The following HECTD4 variants were observed in gnomAD, a reference collection of about 807,000 sequenced individuals.
HECTD4 encodes probable E3 ubiquitin-protein ligase HECTD4.
In HECTD4, 114 loss-of-function variants were observed where a neutral mutation model predicts 471.5. The observed-to-expected ratio is 0.24, with a 90% CI of 0.21 to 0.28. HECTD4 has a LOEUF of 0.28. HECTD4 is among the 10% of genes least tolerant of loss of function. HECTD4 has a pLI of 1.00. For missense variants in HECTD4, 3,866 were observed against 5,651.5 expected (o/e 0.68, Z 10.13); for synonymous variants, 2,012 against 2,256.0 (o/e 0.89, Z 3.07).
intron 3 of HECTD4, 96 bp from the exon 4 acceptor site, chr12:112,313,243 A>C: frequency 1.2e-6 from 1 of 843,690 alleles, no homozygotes; most frequent in Non-Finnish European, 1.7e-6. Flanking sequence ...CCAAAATTTT[A>C]AAACTAAGAT....
intron 60 of HECTD4, among the ~76,000 whole-genome samples, chr12:112,187,816 C>T (rs547491321): frequency 6.7e-6 from 1 of 149,372 alleles, no homozygotes; most frequent in Non-Finnish European, 1.5e-5. Context: ...TTAGTAGAGA[C>T]ACGGTTTCAC....
chr12:112,378,393 TA>T (rs2036824245), intron 1 of HECTD4, among the ~76,000 whole-genome samples: 1 of 137,474 alleles, frequency 7.3e-6, no homozygotes, highest in Admixed American at 7.3e-5. Flanking sequence ...TAATTTTTTG[TA>T]TTTTTTTTTT....
intron 2 of HECTD4, among the ~76,000 whole-genome samples, chr12:112,317,304 A>T (rs2035498554): frequency 1.3e-5 from 2 of 152,222 alleles, no homozygotes; most frequent in African/African-American, 4.8e-5. Context: ...AGGCTATGAC[A>T]GCTTGCTCAG....
intron 1 of HECTD4, among the ~76,000 whole-genome samples, chr12:112,369,376 C>G (rs2036627911): frequency 6.9e-6 from 1 of 145,468 alleles, no homozygotes; most frequent in African/African-American, 2.6e-5. Flanking sequence ...GAGTCTCGCT[C>G]TGTCATCCAG....
At chr12:112,237,291 G>C (rs534162923) in intron 34 of HECTD4, among the ~76,000 whole-genome samples, 193 bp from the exon 35 acceptor site, 1 of 152,228 alleles carries the variant, frequency 6.6e-6, no homozygotes, top group Non-Finnish European at 1.5e-5. Flanking sequence ...AATGTGGGGG[G>C]TAGACATTAC....
At chr12:112,273,603 T>G in intron 11 of HECTD4, 52 bp downstream of exon 11, 1 of 1,565,348 alleles carries the variant, frequency 6.4e-7, no homozygotes. Context: ...TGTGGTATTC[T>G]CTCATATTTC....
chr12:112,224,562 G>A (rs968524317), intron 44 of HECTD4, among the ~76,000 whole-genome samples: 4 of 152,052 alleles, frequency 2.6e-5, no homozygotes, highest in Non-Finnish European at 4.4e-5. Flanking sequence ...CACCGCGCCC[G>A]GCCCAAGGAT....
At chr12:112,351,329 A>C (rs2036244686) in intron 1 of HECTD4, among the ~76,000 whole-genome samples, 1 of 152,216 alleles carries the variant, frequency 6.6e-6, no homozygotes, top group African/African-American at 2.4e-5. Context: ...GTTTGGCACT[A>C]TCATCTCTAA....
Position 112,200,596 on chromosome 12 carries a change from G to C in HECTD4, c.8567+42C>G, listed in dbSNP as rs770731905. 4.4e-6 allele frequency: 7 copies of C among 1,585,284 alleles called. No individual in the cohort carries two copies. In the Admixed American group the frequency reaches 1.0e-4, roughly 23 times the overall value. On this transcript the variant is annotated intron_variant, in intron 55 of 75. Transcript: ENST00000682272. Reference sequence around the variant, plus strand: ...TGGTACATGTGGTAGAGCGAAGTTGGTGGATTTCTGTGACCCAGTAGAAAG... The same window carrying C: ...TGGTACATGTGGTAGAGCGAAGTTGCTGGATTTCTGTGACCCAGTAGAAAG...
rs751145293 is a variant in HECTD4 at position 112,216,855 on chromosome 12, T to A, written c.7303A>T (p.Ile2435Leu). 2.5e-6 allele frequency: 4 copies of A among 1,614,032 alleles called. No homozygotes were observed. The Admixed American group carries it at 6.7e-5, about 27-fold the overall frequency. The stretch of plus-strand genomic sequence containing the variant: ...TCTGTAGTGAAGCCAAAGGAAACTA[T>A]GGGTCCGGTGTCATCATCGGTGTCT... ...YGDTDDDTGP[I>L]VSFGFTTEAE... The change falls in exon 47 of 76, where the codon ATA (isoleucine) becomes TTA (leucine). Residue 2435 changes from isoleucine (I) to leucine (L), a missense_variant. By Grantham distance (5) the Ile-to-Leu change is conservative. Coordinates refer to ENST00000682272, the MANE Select transcript of HECTD4 (RefSeq NM_001388303.1).
At chr12:112,366,198 CT>C (rs1404534245) in intron 1 of HECTD4, among the ~76,000 whole-genome samples, 1 of 152,004 alleles carries the variant, frequency 6.6e-6, no homozygotes, top group African/African-American at 2.4e-5. Flanking sequence ...CCCAAAATAC[CT>C]GGTGAACAAA....
At chr12:112,252,723 G>A (rs117023791) in intron 22 of HECTD4, among the ~76,000 whole-genome samples, 195 bp from the exon 23 acceptor site, 231 of 152,208 alleles carry the variant, frequency 1.5e-3, no homozygotes, top group Non-Finnish European at 2.5e-3. Flanking sequence ...TCCTGATGAG[G>A]TCGCCTTTGG....
At chr12:112,260,743 ATT>A (rs200690215) in intron 18 of HECTD4, among the ~76,000 whole-genome samples, 45 of 138,654 alleles carry the variant, frequency 3.2e-4, no homozygotes, top group East Asian at 2.1e-3. Flanking sequence ...TGCCTGGCTA[ATT>A]TTTTTTTTTT....
intron 1 of HECTD4, among the ~76,000 whole-genome samples, chr12:112,323,293 G>A (rs1381132156): frequency 6.6e-6 from 1 of 152,120 alleles, no homozygotes; most frequent in Non-Finnish European, 1.5e-5. Flanking sequence ...TTTATTGGGT[G>A]TGTACTTTTA....
intron 14 of HECTD4, among the ~76,000 whole-genome samples, chr12:112,266,203 G>A (rs538145518): frequency 4.0e-4 from 61 of 152,310 alleles, no homozygotes; most frequent in African/African-American, 1.4e-3. Flanking sequence ...AGATCATGAA[G>A]TGTGATTTTT....
In HECTD4 at chr12:112,250,152, T is replaced by C. The variant is rs1295473322; in HGVS notation, c.3942A>G (p.Pro1314=). The C allele has an allele frequency of 6.2e-7, 1 of 1,610,396 alleles. No homozygotes were observed. The highest frequency in any genetic ancestry group is 8.5e-7 in the Non-Finnish European group (1 of 1,176,734). ...ISGRARPQFR[P]SIKEVIQPDV... The stretch of plus-strand genomic sequence containing the variant: ...ACTACACAGCAACATACTTTATACT[T>C]GGTCTAAATTGAGGTCTAGCACGCC... Residue 1314 remains proline, a synonymous_variant, in exon 25 of 76, where the codon CCA becomes CCG. Transcript: ENST00000682272.
chr12:112,379,717 T>TATATA (rs373474769), intron 1 of HECTD4, among the ~76,000 whole-genome samples: 16 of 147,416 alleles, frequency 1.1e-4, no homozygotes, highest in African/African-American at 3.2e-4. Flanking sequence ...AAAAGATTTT[T>TATATA]TATATATATA....
rs2033292722 is a variant in HECTD4 at position 112,228,310 on chromosome 12, A to T, written c.6685-52T>A. The stretch of plus-strand genomic sequence containing the variant: ...AAAGTTAAATTCAAGTAGTTAGTTT[A>T]TAAGAAATGAGGGTGTTATTATTAT... On this transcript the variant is annotated intron_variant, in intron 42 of 75. Transcript: ENST00000682272. The surrounding 1 kb of genome is among the most constrained non-coding windows in gnomAD (Gnocchi z 4.9). 6.8e-7 allele frequency: 1 copy of T among 1,472,450 alleles called. No individual in the cohort carries two copies. 91.2% of individuals were successfully genotyped at this position (1,472,450 alleles called of 1,614,324 possible).
At chr12:112,262,348 T>C (rs1425762580) in intron 17 of HECTD4, among the ~76,000 whole-genome samples, 1 of 151,578 alleles carries the variant, frequency 6.6e-6, no homozygotes, top group Admixed American at 6.6e-5. Flanking sequence ...CCGTCTCTAC[T>C]AAAATTTCAA....
Sources: allele counts gnomAD v4.1 joint callset (sites outside exome capture counted in the v4.1 genomes callset), GRCh38; gene constraint gnomAD v4.1.1; non-coding constraint Gnocchi (gnomAD v3.1); transcripts MANE v1.5; gene names NCBI Gene and HGNC (gene_info 2026-07-23, HGNC 2026-07-21).